PREX1: variants seen among roughly 807,000 people sequenced by gnomAD.
The protein encoded by PREX1 is phosphatidylinositol-3,4,5-trisphosphate dependent Rac exchange factor 1, also known as phosphatidylinositol 3,4,5-trisphosphate-dependent Rac exchanger 1 protein.
PREX1 carries 41 observed loss-of-function variants against 198.3 expected under a neutral mutation model. That is an observed-to-expected ratio of 0.21 (90% CI 0.16 to 0.27). PREX1 has a LOEUF of 0.27. Among genes scored for constraint, PREX1 ranks in the 10% least tolerant of loss-of-function variants. The pLI, the probability that PREX1 is intolerant of heterozygous loss-of-function variation, is 1.00. For synonymous variants in PREX1, 843 were observed against 887.2 expected (o/e 0.95, Z 0.89); for missense variants, 1,620 against 2,200.7 (o/e 0.74, Z 5.28).
intron 5 of PREX1, among the ~76,000 whole-genome samples, chr20:48,724,740 C>T (rs2090002139): frequency 6.6e-6 from 1 of 152,250 alleles, no homozygotes; most frequent in Non-Finnish European, 1.5e-5. Flanking sequence ...CACTACAGTA[C>T]ACTGTCTCTT....
At chr20:48,852,568 T>A in the PREX1 span, among the ~76,000 whole-genome samples, 2 of 152,352 alleles carry the variant, frequency 1.3e-5, no homozygotes, top group South Asian at 4.1e-4. Context: ...AAAATGCAGA[T>A]CCTGATGGAG....
Position 48,624,937 on chromosome 20 carries a change from A to T in PREX1, c.*948T>A, listed in dbSNP as rs2089258683. The T allele has an allele frequency of 6.6e-6, 1 of 152,364 alleles. No individual in the cohort carries two copies. Among genetic ancestry groups the T allele is most frequent in the Admixed American group, 6.5e-5 (1 of 15,280 alleles). 9.4% of individuals were successfully genotyped at this position (152,364 alleles called of 1,614,324 possible). On this transcript the variant is annotated 3_prime_UTR_variant, in exon 40 of 40. Transcript: ENST00000371941. Reference sequence around the variant, plus strand: ...TCTAACACCGGCCAACCGCTGGAGAATGGAGGGTGGGGGAAGGAATCACAG... The same window carrying T: ...TCTAACACCGGCCAACCGCTGGAGATTGGAGGGTGGGGGAAGGAATCACAG...
intron 14 of PREX1, among the ~76,000 whole-genome samples, chr20:48,672,824 G>T (rs924728991): frequency 6.6e-6 from 1 of 152,152 alleles, no homozygotes; most frequent in East Asian, 1.9e-4. Flanking sequence ...CCCTGCCCCC[G>T]CTCCCACACC....
chr20:48,691,351 AAC>A lies in PREX1; in HGVS notation c.1037-257_1037-256del, dbSNP rs938105363. ...TTTTAAGACCTTGCATCTAGGCACA[AAC>A]ACAGCAGTGACTCATGGGGAGACAC... On this transcript the variant is annotated intron_variant, in intron 8 of 39. Transcript: ENST00000371941. The surrounding 1 kb of genome is among the most constrained non-coding windows in gnomAD (Gnocchi z 5.0). 2.0e-5 allele frequency among the ~76,000 whole-genome samples: 3 copies of A among 152,220 alleles called. No homozygotes were observed. The highest frequency in any genetic ancestry group is 7.2e-5 in the African/African-American group (3 of 41,462).
At chr20:48,690,007 CA>C (rs1000977913) in intron 9 of PREX1, among the ~76,000 whole-genome samples, 16 of 152,054 alleles carry the variant, frequency 1.1e-4, no homozygotes, top group Admixed American at 3.3e-4. Flanking sequence ...CAGGGGAGAC[CA>C]GGGGTGATAC....
intron 1 of PREX1, among the ~76,000 whole-genome samples, chr20:48,804,469 G>A (rs934991329): frequency 2.0e-5 from 3 of 152,192 alleles, no homozygotes; most frequent in Non-Finnish European, 4.4e-5. Context: ...GAATGTTCCC[G>A]ACCAACAGGA....
the PREX1 span, among the ~76,000 whole-genome samples, chr20:48,851,219 A>T: frequency 6.6e-6 from 1 of 152,188 alleles, no homozygotes; most frequent in Non-Finnish European, 1.5e-5. Context: ...CTAAATCGCT[A>T]CTTGAGGCCG....
At position 48,743,436 on chromosome 20, in the gene PREX1, G is replaced by A. The variant is rs112361646; in HGVS notation, c.414+1589C>T. Among the ~76,000 whole-genome samples the A allele has an allele frequency of 3.0e-3, 454 of 152,078 alleles. 1 individual carries two copies. The highest frequency in any genetic ancestry group is 0.01 in the African/African-American group (424 of 41,450). The stretch of plus-strand genomic sequence containing the variant: ...TGGGGTAACCTCTTAGATGTCTCCC[G>A]GCTTCCAGTTCTCCCTCCACAGCTA... On this transcript the variant is annotated intron_variant, in intron 3 of 39. Transcript: ENST00000371941.
At chr20:48,671,285 A>T (rs984764956) in intron 14 of PREX1, among the ~76,000 whole-genome samples, 4 of 152,252 alleles carry the variant, frequency 2.6e-5, no homozygotes, top group Admixed American at 2.6e-4. Flanking sequence ...CCAACAGGAC[A>T]GCCTTTGGCC....
intron 1 of PREX1, among the ~76,000 whole-genome samples, chr20:48,825,689 A>G (rs552579962): frequency 7.9e-5 from 12 of 151,814 alleles, no homozygotes; most frequent in African/African-American, 2.9e-4. Flanking sequence ...TTTCCCATTA[A>G]TATCAAAATT....
intron 15 of PREX1, among the ~76,000 whole-genome samples, chr20:48,660,938 A>G (rs967233952): frequency 6.6e-6 from 1 of 152,224 alleles, no homozygotes; most frequent in Non-Finnish European, 1.5e-5. Context: ...CAGTCCCCGC[A>G]GGCCAAATCT....
At chr20:48,785,091 T>C (rs1296123733) in intron 1 of PREX1, among the ~76,000 whole-genome samples, 4 of 152,106 alleles carry the variant, frequency 2.6e-5, no homozygotes, top group Non-Finnish European at 5.9e-5. Context: ...TTTCTGTATA[T>C]TTAGTAGAGA....
intron 4 of PREX1, 30 bp from the exon 5 acceptor site, chr20:48,726,421 C>T: frequency 6.4e-7 from 1 of 1,550,724 alleles, no homozygotes; most frequent in Non-Finnish European, 8.9e-7. Context: ...CTTCATGAAA[C>T]CCACCAAGGA....
chr20:48,815,831 G>A (rs1047863965), intron 1 of PREX1, among the ~76,000 whole-genome samples: 5 of 152,046 alleles, frequency 3.3e-5, no homozygotes, highest in African/African-American at 4.8e-5. Context: ...CCAATGTGGC[G>A]AAACCCTGTC....
the PREX1 span, among the ~76,000 whole-genome samples, chr20:48,844,136 T>C: frequency 6.8e-6 from 1 of 146,480 alleles, no homozygotes; most frequent in Non-Finnish European, 1.5e-5. Flanking sequence ...CAAGACCCTG[T>C]CTCAAAAAAA....
chr20:48,866,175 C>T, the PREX1 span, among the ~76,000 whole-genome samples: 1 of 152,106 alleles, frequency 6.6e-6, no homozygotes. Flanking sequence ...TGGTCTCAAA[C>T]TCCTGGCCTC....
intron 1 of PREX1, among the ~76,000 whole-genome samples, chr20:48,802,836 A>G (rs1032978293): frequency 2.0e-5 from 3 of 152,320 alleles, no homozygotes; most frequent in Admixed American, 6.5e-5. Flanking sequence ...TCCCTTTGCA[A>G]CAAGGGCTCT....
In PREX1 at chr20:48,708,894, G is replaced by A. The variant is rs745380332; in HGVS notation, c.622-473C>T. Among the ~76,000 whole-genome samples, 16 of 152,172 alleles carry A rather than the reference G, an allele frequency of 1.1e-4. No individual in the cohort carries two copies. The East Asian group carries it at 1.5e-3, about 15-fold the overall frequency. On this transcript the variant is annotated intron_variant, in intron 5 of 39. Coordinates refer to ENST00000371941, the MANE Select transcript of PREX1 (RefSeq NM_020820.4). ...CAGAGAGATCCGCGGTCACAGAGGC[G>A]GCCCCAACACTGCTCCTCCCCAGGC... is the stretch of plus-strand genomic sequence containing the variant.
chr20:48,824,979 T>C (rs984365983), intron 1 of PREX1, among the ~76,000 whole-genome samples: 1 of 152,122 alleles, frequency 6.6e-6, no homozygotes, highest in African/African-American at 2.4e-5. Flanking sequence ...CCGTGCATTC[T>C]TCCAAGCCAG....
Sources: allele counts gnomAD v4.1 joint callset (sites outside exome capture counted in the v4.1 genomes callset), GRCh38; gene constraint gnomAD v4.1.1; non-coding constraint Gnocchi (gnomAD v3.1); transcripts MANE v1.5; gene names NCBI Gene and HGNC (gene_info 2026-07-23, HGNC 2026-07-21).